The following TAFA1 variants were observed in gnomAD, a reference collection of about 807,000 sequenced individuals.
TAFA1 encodes the protein TAFA chemokine like family member 1, also known as chemokine-like protein TAFA-1.
In TAFA1, 4 loss-of-function variants were observed where a neutral mutation model predicts 18.5. That is an observed-to-expected ratio of 0.22 (90% CI 0.11 to 0.49). TAFA1 has a LOEUF of 0.49. TAFA1 is among the 20% of genes least tolerant of loss of function. The pLI is 0.98. For synonymous variants in TAFA1, 56 were observed against 55.2 expected, an observed-to-expected ratio of 1.01 and a Z score of -0.06; for missense variants, 147 against 169.0, an observed-to-expected ratio of 0.87 and a Z score of 0.72.
intron 2 of TAFA1, among the ~76,000 whole-genome samples, chr3:68,121,013 T>C (rs1246395371): frequency 6.6e-6 from 1 of 152,216 alleles, no homozygotes; most frequent in Non-Finnish European, 1.5e-5. Flanking sequence ...CAATTCCTGT[T>C]TGGAATCAAT....
chr3:68,227,629 A>T (rs1187334488), intron 2 of TAFA1, among the ~76,000 whole-genome samples: 1 of 152,234 alleles, frequency 6.6e-6, no homozygotes, highest in Non-Finnish European at 1.5e-5. Context: ...AAATTAAGTG[A>T]AAGACTGAAT....
intron 2 of TAFA1, among the ~76,000 whole-genome samples, chr3:68,332,941 A>C (rs975703008): frequency 6.6e-6 from 1 of 152,192 alleles, no homozygotes; most frequent in Non-Finnish European, 1.5e-5. Flanking sequence ...GTAAATCAAA[A>C]CCACAATTAA....
At chr3:68,362,980 C>CTTTTT (rs10681792) in intron 2 of TAFA1, among the ~76,000 whole-genome samples, 7,755 of 74,690 alleles carry the variant, frequency 0.1, 967 homozygotes, top group East Asian at 0.28. Context: ...GTCTTGCAGG[C>CTTTTT]TTTTTTTTTT....
At chr3:68,376,945 C>A (rs117227010) in intron 2 of TAFA1, among the ~76,000 whole-genome samples, 1 of 152,128 alleles carries the variant, frequency 6.6e-6, no homozygotes, top group Admixed American at 6.5e-5. Flanking sequence ...GACAATTCCT[C>A]CTTCACATGC....
At chr3:68,133,604 T>C (rs902975261) in intron 2 of TAFA1, among the ~76,000 whole-genome samples, 6 of 151,508 alleles carry the variant, frequency 4.0e-5, no homozygotes, top group Non-Finnish European at 8.8e-5. Flanking sequence ...GTTGGATTCC[T>C]AGGTATTTTA....
At chr3:68,323,835 G>C (rs1243175858) in intron 2 of TAFA1, among the ~76,000 whole-genome samples, 1 of 152,136 alleles carries the variant, frequency 6.6e-6, no homozygotes, top group Non-Finnish European at 1.5e-5. Context: ...TTGTACACGA[G>C]TTTTATGTTG....
intron 2 of TAFA1, among the ~76,000 whole-genome samples, chr3:68,384,286 C>A (rs1253470579): frequency 6.6e-6 from 1 of 151,930 alleles, no homozygotes; most frequent in African/African-American, 2.4e-5. Context: ...AACTTGAGAT[C>A]TTTCTTTATG....
At chr3:68,168,303 T>C (rs1041323951) in intron 2 of TAFA1, among the ~76,000 whole-genome samples, 1 of 152,208 alleles carries the variant, frequency 6.6e-6, no homozygotes, top group Non-Finnish European at 1.5e-5. Flanking sequence ...ATTTTAAAAA[T>C]CTGAATATGT....
At chr3:68,009,487 A>G (rs1218952299) in intron 2 of TAFA1, among the ~76,000 whole-genome samples, 1 of 152,222 alleles carries the variant, frequency 6.6e-6, no homozygotes, top group Non-Finnish European at 1.5e-5. Context: ...CAAATACCCC[A>G]AGAAACTGCA....
chr3:68,063,864 G>T (rs182744786), intron 2 of TAFA1, among the ~76,000 whole-genome samples: 2 of 152,280 alleles, frequency 1.3e-5, no homozygotes, highest in Admixed American at 1.3e-4. Context: ...CACAAGGAAA[G>T]TTAGGAAGGC....
intron 2 of TAFA1, among the ~76,000 whole-genome samples, chr3:68,251,138 A>C (rs1340528458): frequency 1.3e-5 from 2 of 152,134 alleles, no homozygotes; most frequent in African/African-American, 2.4e-5. Flanking sequence ...TCTATTTCTC[A>C]TTTGGTAACA....
At chr3:68,413,963 C>A (rs2070764672) in intron 2 of TAFA1, among the ~76,000 whole-genome samples, 1 of 152,042 alleles carries the variant, frequency 6.6e-6, no homozygotes, top group Non-Finnish European at 1.5e-5. Context: ...CATGCAGTAA[C>A]CGTCAAAGTG....
rs138475222 is a variant in TAFA1 at position 68,009,052 on chromosome 3, C to T, written c.118+2308C>T. ...CTTAATAGACTGTAAACCCACAAGC[C>T]AGGGATGTTTGATGAATAAAGTTTT... On this transcript the variant is annotated intron_variant, in intron 2 of 4. Transcript: ENST00000478136. Among the ~76,000 whole-genome samples, 849 of 152,242 alleles carry T rather than the reference C, an allele frequency of 5.6e-3. 9 individuals are homozygous for T. Among genetic ancestry groups the T allele is most frequent in the African/African-American group, 0.02 (815 of 41,534 alleles).
chr3:68,366,294 T>C lies in TAFA1; in HGVS notation c.119-50986T>C, dbSNP rs17047599. Among the ~76,000 whole-genome samples, 1,399 of 152,186 alleles carry C rather than the reference T, an allele frequency of 9.2e-3. 59 individuals carry two copies. In the East Asian group the frequency reaches 0.13, roughly 14 times the overall value. On this transcript the variant is annotated intron_variant, in intron 2 of 4. Transcript: ENST00000478136. The stretch of plus-strand genomic sequence containing the variant: ...TCAATGGGTGAGTGTCCTTTCCAGT[T>C]TCCCTCTTGTCTGTAGCTGAGTCCA...
chr3:68,303,398 A>C (rs2068341564), intron 2 of TAFA1, among the ~76,000 whole-genome samples: 1 of 152,180 alleles, frequency 6.6e-6, no homozygotes, highest in Non-Finnish European at 1.5e-5. Flanking sequence ...CTAAAGAGGA[A>C]ACAAAACAAT....
intron 3 of TAFA1, among the ~76,000 whole-genome samples, chr3:68,509,619 T>G (rs2072816186): frequency 6.6e-6 from 1 of 152,184 alleles, no homozygotes; most frequent in Admixed American, 6.6e-5. Context: ...AGCATCACTG[T>G]TATAATCACA....
At chr3:68,444,077 G>T (rs1039423660) in intron 3 of TAFA1, among the ~76,000 whole-genome samples, 1 of 152,138 alleles carries the variant, frequency 6.6e-6, no homozygotes, top group Admixed American at 6.6e-5. Context: ...CTACAGCCTC[G>T]ACAGGTTTTC....
intron 2 of TAFA1, among the ~76,000 whole-genome samples, chr3:68,293,805 C>T (rs766321526): frequency 6.6e-5 from 10 of 152,174 alleles, no homozygotes; most frequent in Non-Finnish European, 1.3e-4. Flanking sequence ...AGGTCGAGAA[C>T]TGTGGTGAGA....
intron 3 of TAFA1, among the ~76,000 whole-genome samples, chr3:68,435,483 C>G (rs935398688): frequency 6.6e-6 from 1 of 152,124 alleles, no homozygotes; most frequent in Non-Finnish European, 1.5e-5. Flanking sequence ...CACTACATAG[C>G]ACAGGAATTA....
Sources: allele counts gnomAD v4.1 joint callset (sites outside exome capture counted in the v4.1 genomes callset), GRCh38; gene constraint gnomAD v4.1.1; transcripts MANE v1.5; gene names NCBI Gene and HGNC (gene_info 2026-07-23, HGNC 2026-07-21).